The following WEE1 variants were observed in gnomAD, a reference collection of about 807,000 sequenced individuals.
The protein encoded by WEE1 is WEE1 G2 checkpoint kinase.
WEE1 carries 16 observed loss-of-function variants against 68.8 expected under a neutral mutation model. The ratio of observed to expected loss-of-function variants is 0.23; its 90% confidence interval spans 0.16 to 0.35. The LOEUF (loss-of-function observed/expected upper bound fraction) is 0.35. Ranked by LOEUF, WEE1 falls within the 10% of genes least tolerant of loss-of-function variation. WEE1 has a pLI of 1.00. For missense variants in WEE1, 651 were observed against 824.1 expected, an observed-to-expected ratio of 0.79 and a Z score of 2.57; for synonymous variants, 349 against 318.7, an observed-to-expected ratio of 1.09 and a Z score of -1.01.
intron 10 of WEE1, 102 bp downstream of exon 10, chr11:9,586,958 GGTTTTTTGT>G: frequency 1.5e-6 from 2 of 1,348,712 alleles, no homozygotes; most frequent in East Asian, 2.5e-5. Context: ...AGGATGTAGT[GGTTTTTTGT>G]GTTTTTTGTT....
intron 5 of WEE1, chr11:9,577,867 T>C (rs1565087882): frequency 2.2e-6 from 1 of 456,250 alleles, no homozygotes; most frequent in Non-Finnish European, 4.4e-6. Context: ...AGATTCAAGT[T>C]TGGATGTCTT....
At chr11:9,582,707 C>T (rs1488399937) in intron 6 of WEE1, among the ~76,000 whole-genome samples, 2 of 152,098 alleles carry the variant, frequency 1.3e-5, no homozygotes, top group African/African-American at 4.8e-5. Flanking sequence ...GCTGGGATTA[C>T]AGGCATACAC....
At position 9,585,294 on chromosome 11, in the gene WEE1, C is replaced by A. The variant is rs1849687825; in HGVS notation, c.1325C>A (p.Ala442Asp). The change falls in exon 7 of 11, where the codon GCT (alanine) becomes GAT (aspartate). Residue 442 changes from alanine to aspartate, a missense_variant. By Grantham distance (126) the Ala-to-Asp change is moderately radical. Transcript: ENST00000450114. Reference protein sequence around the residue: ...IFISRTSIPNAASEEGDEDDW... With the variant: ...IFISRTSIPNDASEEGDEDDW... ...ATATCTCGAACCTCAATCCCAAATG[C>A]TGCCTCTGAAGAAGGAGACGAAGAT... 1 of 1,613,924 alleles carries A rather than the reference C, an allele frequency of 6.2e-7. No homozygotes were observed. The highest frequency in any genetic ancestry group is 8.5e-7 in the Non-Finnish European group (1 of 1,179,968).
At chr11:9,583,279 C>T (rs1230859430) in intron 6 of WEE1, among the ~76,000 whole-genome samples, 1 of 151,040 alleles carries the variant, frequency 6.6e-6, no homozygotes, top group East Asian at 2.0e-4. Flanking sequence ...CACCATTGCA[C>T]TCCATCCTAG....
chr11:9,575,506 G>T, intron 1 of WEE1: 1 of 693,998 alleles, frequency 1.4e-6, no homozygotes, highest in Non-Finnish European at 1.8e-6. Flanking sequence ...GGAGTCCAGC[G>T]GAGGTGGCTA....
chr11:9,583,790 CACACACACACACATATATAT>C (rs1849663531), intron 6 of WEE1, among the ~76,000 whole-genome samples: 1 of 30,508 alleles, frequency 3.3e-5, no homozygotes, highest in African/African-American at 1.2e-4. Flanking sequence ...CACACACACA[CACACACACACACATATATAT>C]ATATATATAT....
At chr11:9,575,726 C>T in intron 1 of WEE1, 162 bp from the exon 2 acceptor site, 2 of 644,228 alleles carry the variant, frequency 3.1e-6, no homozygotes. Flanking sequence ...TTCAGTCTTC[C>T]TAAATTAGCC....
In WEE1 at chr11:9,573,728, C is replaced by A; in HGVS notation, c.-206C>A. The stretch of plus-strand genomic sequence containing the variant: ...CTCAGCCTCGGTGCTCGGGCCGCCC[C>A]GCCTCTGCCGGAAAGTCCGCGCCGC... On this transcript the variant is annotated 5_prime_UTR_variant, in exon 1 of 11. Coordinates refer to ENST00000450114, the MANE Select transcript of WEE1 (RefSeq NM_003390.4). The A allele has an allele frequency of 4.6e-6, 1 of 215,724 alleles. No individual in the cohort carries two copies. Among genetic ancestry groups the A allele is most frequent in the South Asian group, 1.6e-4 (1 of 6,394 alleles). The allele number at this position is 215,724 out of a possible 1,614,324, so 13.4% of individuals were successfully genotyped here.
rs1281476089 is a variant in WEE1, at chr11:9,573,847, A to T, written c.-87A>T. ...GCTGCGACTAGGCGCGCCCAGCCGC[A>T]CGTGGCGGACCCGCCCCCAGGCCCG... On this transcript the variant is annotated 5_prime_UTR_variant, in exon 1 of 11. Transcript: ENST00000450114. 1 of 1,114,686 alleles carries T rather than the reference A, an allele frequency of 9.0e-7. No homozygotes were observed. The highest frequency in any genetic ancestry group is 1.7e-5 in the African/African-American group (1 of 60,570). The allele number at this position is 1,114,686 out of a possible 1,614,324, so 69.0% of individuals were successfully genotyped here.
At position 9,588,527 on chromosome 11, in the gene WEE1, C is replaced by T. The variant is rs1433157690; in HGVS notation, c.1866C>T (p.Ser622=). ...TCACTGACCGGATGGCCACTAGGTC[C>T]ACCACCCAGAGTAATAGAACATCTC... is the stretch of plus-strand genomic sequence containing the variant. The part of the protein sequence containing the change: ...ALFTDRMATR[S]TTQSNRTSRL... Residue 622 remains serine, a synonymous_variant, in exon 11 of 11, where the codon TCC becomes TCT. Transcript: ENST00000450114. 1.9e-5 allele frequency: 30 copies of T among 1,612,560 alleles called. No homozygotes were observed. The highest frequency in any genetic ancestry group is 2.0e-5 in the Non-Finnish European group (24 of 1,179,718).
intron 6 of WEE1, among the ~76,000 whole-genome samples, chr11:9,583,990 C>T (rs964176228): frequency 3.3e-5 from 5 of 150,948 alleles, no homozygotes; most frequent in Non-Finnish European, 4.4e-5. Context: ...GTATTACAGG[C>T]GTGCACCACC....
chr11:9,578,624 CTT>C (rs1849589104), intron 5 of WEE1: 2 of 152,342 alleles, frequency 1.3e-5, no homozygotes, highest in African/African-American at 2.4e-5. Flanking sequence ...GACACCATCT[CTT>C]TTCAGTTTCC....
At chr11:9,583,826 T>C (rs1261616314) in intron 6 of WEE1, among the ~76,000 whole-genome samples, 21 of 36,584 alleles carry the variant, frequency 5.7e-4, no homozygotes, top group South Asian at 1.8e-3. Context: ...TATATATATA[T>C]ATATATATAT....
chr11:9,580,497 C>T (rs1409857971), intron 5 of WEE1: 5 of 139,010 alleles, frequency 3.6e-5, no homozygotes, highest in Admixed American at 7.6e-5. Context: ...CTGAGTCTCA[C>T]TCTGCCACCA....
intron 6 of WEE1, among the ~76,000 whole-genome samples, chr11:9,584,607 T>A (rs1849680027): frequency 1.4e-5 from 2 of 148,138 alleles, no homozygotes; most frequent in Admixed American, 1.3e-4. Flanking sequence ...TCAGCCAGAC[T>A]CACTGGCTAA....
Position 9,577,913 on chromosome 11 carries a change from C to T in WEE1, c.1141+650C>T, listed in dbSNP as rs772137083. Reference sequence around the variant, plus strand: ...CAGTTTCGGTAAGTCCTTCAAGGGCCGACTTATGTCTCTCCTTTTCTATTA... The same window carrying T: ...CAGTTTCGGTAAGTCCTTCAAGGGCTGACTTATGTCTCTCCTTTTCTATTA... On this transcript the variant is annotated intron_variant, in intron 5 of 10. Coordinates refer to ENST00000450114, the MANE Select transcript of WEE1 (RefSeq NM_003390.4). The T allele has an allele frequency of 1.3e-5, 6 of 455,864 alleles. No homozygotes were observed. The East Asian group carries it at 2.1e-4, about 16-fold the overall frequency. The allele number at this position is 455,864 out of a possible 1,614,324, so 28.2% of individuals were successfully genotyped here. A position where few individuals can be genotyped will look rare whatever the true frequency, so the allele number is the denominator to read the frequency against.
chr11:9,583,949 G>A (rs907888219), intron 6 of WEE1, among the ~76,000 whole-genome samples: 4 of 150,224 alleles, frequency 2.7e-5, no homozygotes, highest in East Asian at 2.0e-4. Context: ...GGGTTCAAGC[G>A]ATTCTCCTGC....
Position 9,576,287 on chromosome 11 carries a change from T to TGCTAA in WEE1, c.842_846dup (p.Arg283LeufsTer11). On this transcript the variant is annotated frameshift_variant, in exon 3 of 11. Transcript: ENST00000450114. LOFTEE classifies it high-confidence loss of function. This position sits in a 1 kb window ranked among gnomAD's most constrained non-coding sequence, Gnocchi z 4.3. ...ATGAGCTTGAAGATGAAACAAGACCTGCTAAGGTAAATAGCTTTTTATTTT... is the reference window on the plus strand; with the variant it reads ...ATGAGCTTGAAGATGAAACAAGACCTGCTAAGCTAAGGTAAATAGCTTTTTATTTT... 6.6e-7 allele frequency: 1 copy of TGCTAA among 1,526,492 alleles called. No homozygotes were observed. Among genetic ancestry groups the TGCTAA allele is most frequent in the Non-Finnish European group, 8.9e-7 (1 of 1,124,930 alleles). 94.6% of individuals were successfully genotyped at this position (1,526,492 alleles called of 1,614,324 possible).
At chr11:9,583,759 G>GCACACACACA (rs1412609889) in intron 6 of WEE1, among the ~76,000 whole-genome samples, 60 of 41,594 alleles carry the variant, frequency 1.4e-3, no homozygotes, top group Non-Finnish European at 2.3e-3. Flanking sequence ...GTGCACGCGC[G>GCACACACACA]CGCACACACA....
Sources: allele counts gnomAD v4.1 joint callset (sites outside exome capture counted in the v4.1 genomes callset), GRCh38; gene constraint gnomAD v4.1.1; non-coding constraint Gnocchi (gnomAD v3.1); transcripts MANE v1.5; gene names NCBI Gene and HGNC (gene_info 2026-07-23, HGNC 2026-07-21).